Variants in GRIA1 observed in about 807,000 individuals in gnomAD.
GRIA1 encodes glutamate receptor 1.
GRIA1 carries 31 observed loss-of-function variants against 99.2 expected under a neutral mutation model. The observed-to-expected ratio is 0.31, with a 90% CI of 0.23 to 0.42. The LOEUF (loss-of-function observed/expected upper bound fraction) is 0.42. GRIA1 is among the 10% of genes least tolerant of loss of function. The pLI, the probability that GRIA1 is intolerant of heterozygous loss-of-function variation, is 1.00. For synonymous variants in GRIA1, 438 were observed against 432.4 expected, an observed-to-expected ratio of 1.01 and a Z score of -0.16; for missense variants, 782 against 1,157.5, an observed-to-expected ratio of 0.68 and a Z score of 4.71.
intron 14 of GRIA1, among the ~76,000 whole-genome samples, chr5:153,796,482 T>C (rs1314607855): frequency 6.6e-6 from 1 of 152,212 alleles, no homozygotes; most frequent in African/African-American, 2.4e-5. Context: ...TACAGTCACC[T>C]TTACAACTGA....
intron 13 of GRIA1, among the ~76,000 whole-genome samples, chr5:153,771,061 T>C (rs1173624994): frequency 6.6e-6 from 1 of 152,230 alleles, no homozygotes; most frequent in Non-Finnish European, 1.5e-5. Context: ...GGAAGAGTCC[T>C]GTAGACATGG....
At chr5:153,674,340 TA>T (rs35168528) in intron 5 of GRIA1, among the ~76,000 whole-genome samples, 159 bp from the exon 6 acceptor site, 20,006 of 152,238 alleles carry the variant, frequency 0.13, 1,812 homozygotes, top group Non-Finnish European at 0.19. Context: ...GTGCACAAAC[TA>T]AGTAATAATC....
chr5:153,672,409 A>G (rs540359391), intron 5 of GRIA1, among the ~76,000 whole-genome samples: 14 of 152,298 alleles, frequency 9.2e-5, no homozygotes, highest in African/African-American at 3.4e-4. Flanking sequence ...CAGGGCAAGA[A>G]CTAGTTCTTT....
At chr5:153,785,556 A>G (rs1764919472) in intron 13 of GRIA1, among the ~76,000 whole-genome samples, 1 of 152,224 alleles carries the variant, frequency 6.6e-6, no homozygotes, top group Admixed American at 6.5e-5. Flanking sequence ...CTAAAAATTA[A>G]TGAAGGAAAC....
chr5:153,810,873 GT>G (rs778625520), intron 15 of GRIA1, 151 bp from the exon 16 acceptor site: 248 of 624,308 alleles, frequency 4.0e-4, no homozygotes, highest in Middle Eastern at 1.7e-3. Context: ...AGTTTTCTGT[GT>G]TCCTGAGAAG....
chr5:153,740,931 GACA>G (rs1021917442), intron 11 of GRIA1, among the ~76,000 whole-genome samples: 2 of 143,842 alleles, frequency 1.4e-5, no homozygotes, highest in Non-Finnish European at 3.0e-5. Flanking sequence ...CATCTGAAAA[GACA>G]ACAAGTCTTG....
At chr5:153,672,597 A>C (rs2149483187) in intron 5 of GRIA1, among the ~76,000 whole-genome samples, 1 of 152,256 alleles carries the variant, frequency 6.6e-6, no homozygotes, top group Middle Eastern at 3.4e-3. Flanking sequence ...AAAATCGCAG[A>C]ACTTTAGAGG....
At chr5:153,745,564 G>T (rs76623220) in intron 11 of GRIA1, among the ~76,000 whole-genome samples, 1,866 of 138,576 alleles carry the variant, frequency 0.013, 22 homozygotes, top group Non-Finnish European at 0.021. Flanking sequence ...ACTCCAGCCT[G>T]GGCAACAAAA....
chr5:153,610,439 A>G lies in GRIA1; in HGVS notation c.221-36489A>G, dbSNP rs534688138. The stretch of plus-strand genomic sequence containing the variant: ...AGGAAAACCCTACAAAGATTTCCAG[A>G]TTCCCTGGGGAAGACAAAAGTATTT... On this transcript the variant is annotated intron_variant, in intron 2 of 15. Transcript: ENST00000285900. Among the ~76,000 whole-genome samples, 131 of 152,342 alleles carry G rather than the reference A, an allele frequency of 8.6e-4. No individual in the cohort carries two copies. In the Middle Eastern group the frequency reaches 0.02, roughly 24 times the overall value.
At chr5:153,766,355 A>T (rs184411036) in intron 12 of GRIA1, among the ~76,000 whole-genome samples, 5 of 152,304 alleles carry the variant, frequency 3.3e-5, no homozygotes, top group African/African-American at 9.6e-5. Flanking sequence ...ACTTGTCCAT[A>T]AAGCCTGTCC....
chr5:153,554,709 G>C (rs1760465398), intron 2 of GRIA1, among the ~76,000 whole-genome samples: 1 of 152,132 alleles, frequency 6.6e-6, no homozygotes, highest in Non-Finnish European at 1.5e-5. Flanking sequence ...GGCCAGGCTG[G>C]TCACAAACTG....
At chr5:153,662,971 C>T (rs1472316246) in intron 5 of GRIA1, among the ~76,000 whole-genome samples, 1 of 152,180 alleles carries the variant, frequency 6.6e-6, no homozygotes, top group African/African-American at 2.4e-5. Context: ...TCTGCTCTCA[C>T]CTCACTGTTC....
At chr5:153,679,829 G>A (rs1756848916) in intron 7 of GRIA1, among the ~76,000 whole-genome samples, 1 of 152,194 alleles carries the variant, frequency 6.6e-6, no homozygotes, top group South Asian at 2.1e-4. Context: ...CTATAAGTTA[G>A]GCCAAGAGGT....
At chr5:153,640,439 C>A (rs1298631019) in intron 2 of GRIA1, among the ~76,000 whole-genome samples, 2 of 152,208 alleles carry the variant, frequency 1.3e-5, no homozygotes, top group South Asian at 2.1e-4. Flanking sequence ...GCAACCTAGT[C>A]CCCACCCATC....
At chr5:153,655,485 G>A (rs563166155) in intron 4 of GRIA1, among the ~76,000 whole-genome samples, 16 of 152,256 alleles carry the variant, frequency 1.1e-4, no homozygotes, top group Admixed American at 4.6e-4. Context: ...AAGAAAGAAC[G>A]CAGTGAGCAT....
intron 5 of GRIA1, among the ~76,000 whole-genome samples, chr5:153,673,091 C>G (rs938951795): frequency 6.6e-6 from 1 of 152,126 alleles, no homozygotes; most frequent in Non-Finnish European, 1.5e-5. Context: ...TCCTTTCCCA[C>G]CCTTTCTCTT....
chr5:153,527,586 G>A (rs1757720515), intron 2 of GRIA1, among the ~76,000 whole-genome samples: 1 of 152,150 alleles, frequency 6.6e-6, no homozygotes, highest in African/African-American at 2.4e-5. Context: ...CCTCAGTGGT[G>A]GCAGGCACCC....
intron 14 of GRIA1, among the ~76,000 whole-genome samples, chr5:153,797,071 G>A (rs564286863): frequency 1.3e-5 from 2 of 152,194 alleles, no homozygotes; most frequent in Non-Finnish European, 2.9e-5. Flanking sequence ...GACCCCAGGA[G>A]GGCAATGTCA....
chr5:153,517,286 T>A (rs768432401), intron 2 of GRIA1, among the ~76,000 whole-genome samples: 14 of 152,330 alleles, frequency 9.2e-5, no homozygotes, highest in Middle Eastern at 6.8e-3. Context: ...AGTGCCTGCA[T>A]GGCTTTATTT....
Sources: gnomAD v4.1 joint callset for allele counts (sites outside exome capture counted in the v4.1 genomes callset) on GRCh38, gnomAD v4.1.1 for gene constraint, MANE v1.5 for transcripts, NCBI Gene and HGNC (gene_info 2026-07-23, HGNC 2026-07-21) for gene names.